SDHAF2: variants seen among roughly 807,000 people sequenced by gnomAD.
SDHAF2 encodes the protein succinate dehydrogenase complex assembly factor 2, also known as succinate dehydrogenase assembly factor 2, mitochondrial.
A neutral mutation model predicts 18.5 loss-of-function variants in SDHAF2; 21 were observed. The ratio of observed to expected loss-of-function variants is 1.13; its 90% CI spans 0.80 to 1.63. The LOEUF (loss-of-function observed/expected upper bound fraction) is 1.63, where lower values mean the gene tolerates loss of function less well. SDHAF2 is among the 40% of genes most tolerant of loss of function. The probability of loss-of-function intolerance (pLI) is 0.00; values close to 1 mark genes in which losing one functional copy is unlikely to be tolerated. For missense variants in SDHAF2, 195 were observed against 200.3 expected, an observed-to-expected ratio of 0.97 and a Z score of 0.16; for synonymous variants, 84 against 70.7, an observed-to-expected ratio of 1.19 and a Z score of -0.94.
chr11:61,433,396 A>G (rs1186270727), intron 1 of SDHAF2: 1 of 152,214 alleles, frequency 6.6e-6, no homozygotes, highest in Non-Finnish European at 1.5e-5. Flanking sequence ...GAACTATGTG[A>G]CAACCATTAT....
rs111402137 is a variant in SDHAF2, at chr11:61,437,727, A to G, written c.139A>G (p.Met47Val). Residue 47 changes from methionine to valine, a missense_variant, in exon 2 of 4, where the codon ATG (methionine) becomes GTG (valine). Physicochemically the swap from Met to Val is conservative, Grantham distance 21. Coordinates refer to ENST00000301761, the MANE Select transcript of SDHAF2 (RefSeq NM_017841.4). ...GDSPTDSQKD[M>V]IEIPLPPWQE... ...CAGCCCAACAGATTCCCAAAAGGAC[A>G]TGATTGAAATCCCTTTGCCTCCATG... is the stretch of plus-strand genomic sequence containing the variant. 56 of 1,614,218 alleles carry G rather than the reference A, an allele frequency of 3.5e-5. No individual in the cohort carries two copies. The Middle Eastern group carries it at 6.6e-4, about 19-fold the overall frequency.
chr11:61,439,055 A>T (rs542135865), intron 3 of SDHAF2, among the ~76,000 whole-genome samples: 1 of 152,124 alleles, frequency 6.6e-6, no homozygotes, highest in South Asian at 2.1e-4. Flanking sequence ...AAAAAAAAAA[A>T]GTTTCATTCA....
In SDHAF2 at chr11:61,446,263, T is replaced by G. The variant is rs1862137108; in HGVS notation, c.*192T>G. On this transcript the variant is annotated 3_prime_UTR_variant, in exon 4 of 4. Transcript: ENST00000301761. ...GCACAATGTGACTCATTCTCATACT[T>G]TTTTGTTCAGCTCTGAGCCTCAAAA... 3.0e-6 allele frequency: 2 copies of G among 675,934 alleles called. No individual in the cohort carries two copies. The highest frequency in any genetic ancestry group is 1.8e-5 in the African/African-American group (1 of 56,210). 41.9% of individuals were successfully genotyped at this position (675,934 alleles called of 1,614,324 possible).
At chr11:61,445,095 G>A (rs1377987745) in intron 3 of SDHAF2, among the ~76,000 whole-genome samples, 1 of 152,216 alleles carries the variant, frequency 6.6e-6, no homozygotes, top group African/African-American at 2.4e-5. Flanking sequence ...CCTGTGCTGA[G>A]TAAGGGAGAA....
At chr11:61,437,201 C>CT (rs1862003985) in intron 1 of SDHAF2, among the ~76,000 whole-genome samples, 1 of 152,036 alleles carries the variant, frequency 6.6e-6, no homozygotes, top group African/African-American at 2.4e-5. Flanking sequence ...AATTTCTTTT[C>CT]TTTTTTCAGG....
intron 1 of SDHAF2, 145 bp downstream of exon 1, chr11:61,430,327 A>G: frequency 1.0e-6 from 1 of 957,800 alleles, no homozygotes; most frequent in Admixed American, 2.1e-5. Flanking sequence ...CGATCCTGCA[A>G]CTCAGGAAAT....
chr11:61,440,324 C>T (rs544550734), intron 3 of SDHAF2, among the ~76,000 whole-genome samples: 16 of 151,020 alleles, frequency 1.1e-4, no homozygotes, highest in East Asian at 5.9e-4. Flanking sequence ...TAGGGCTGGG[C>T]GCGGTGAGTC....
rs752630870 is a variant in SDHAF2 at position 61,437,512 on chromosome 11, T to C, written c.37-113T>C. ...CCACCACGCCTGGCCAGCAGTGTAA[T>C]TTCCTCATGACTAAATGTGATTGAA... On this transcript the variant is annotated intron_variant, in intron 1 of 3. Transcript: ENST00000301761. 6 of 992,224 alleles carry C rather than the reference T, an allele frequency of 6.0e-6. 1 individual carries two copies. Among genetic ancestry groups the C allele is most frequent in the Non-Finnish European group, 9.8e-6 (6 of 614,478 alleles). The allele number at this position is 992,224 out of a possible 1,614,324, so 61.5% of individuals were successfully genotyped here.
intron 3 of SDHAF2, among the ~76,000 whole-genome samples, chr11:61,439,940 T>C (rs2134895061): frequency 6.6e-6 from 1 of 152,302 alleles, no homozygotes; most frequent in Middle Eastern, 3.4e-3. Flanking sequence ...TAGGTTTTAG[T>C]TTTTCTTGAG....
intron 1 of SDHAF2, 198 bp downstream of exon 1, chr11:61,430,380 C>T: frequency 1.5e-6 from 1 of 647,212 alleles, no homozygotes; most frequent in Non-Finnish European, 2.7e-6. Flanking sequence ...GTGTGCCGGT[C>T]TGGAAATATC....
At chr11:61,433,740 C>CTA (rs1057375425) in intron 1 of SDHAF2, 1 of 152,232 alleles carries the variant, frequency 6.6e-6, no homozygotes, top group African/African-American at 2.4e-5. Context: ...ACTAGGGCTG[C>CTA]TATAACCTGT....
At position 61,446,216 on chromosome 11, in the gene SDHAF2, C is replaced by A; in HGVS notation, c.*145C>A. ...TGCCTCAAGTGATGGACATAACCCTCTCCTAGGACATACATGTAAATGCAC... is the reference window on the plus strand; with the variant it reads ...TGCCTCAAGTGATGGACATAACCCTATCCTAGGACATACATGTAAATGCAC... On this transcript the variant is annotated 3_prime_UTR_variant, in exon 4 of 4. Transcript: ENST00000301761. 1.2e-6 allele frequency: 1 copy of A among 844,906 alleles called. No homozygotes were observed. The highest frequency in any genetic ancestry group is 1.3e-5 in the South Asian group (1 of 74,334). 52.3% of individuals were successfully genotyped at this position (844,906 alleles called of 1,614,324 possible).
chr11:61,437,233 G>C (rs1412825217), intron 1 of SDHAF2, among the ~76,000 whole-genome samples: 6 of 152,082 alleles, frequency 3.9e-5, no homozygotes, highest in Non-Finnish European at 8.8e-5. Context: ...CGTTGCCCAG[G>C]CTGGAATGCA....
At chr11:61,445,689 A>G (rs901846834) in intron 3 of SDHAF2, among the ~76,000 whole-genome samples, 1 of 152,238 alleles carries the variant, frequency 6.6e-6, no homozygotes. Flanking sequence ...TTCTGCTGTC[A>G]TAACACAAAA....
Position 61,446,429 on chromosome 11 carries a change from G to A in SDHAF2, c.*358G>A, listed in dbSNP as rs964963872. The A allele has an allele frequency of 1.0e-5, 6 of 573,024 alleles. No homozygotes were observed. The highest frequency in any genetic ancestry group is 9.3e-5 in the African/African-American group (5 of 53,532). The allele number at this position is 573,024 out of a possible 1,614,324, so 35.5% of individuals were successfully genotyped here. On this transcript the variant is annotated 3_prime_UTR_variant, in exon 4 of 4. Coordinates refer to ENST00000301761, the MANE Select transcript of SDHAF2 (RefSeq NM_017841.4). ...CAAGTGTACTCAAAGAAAAGAGGCA[G>A]CCAGCTGTGCGTGCTGTATGGAAAG...
chr11:61,445,568 A>C (rs1321925939), intron 3 of SDHAF2, among the ~76,000 whole-genome samples: 1 of 152,238 alleles, frequency 6.6e-6, no homozygotes, highest in African/African-American at 2.4e-5. Flanking sequence ...AATGCAAAGC[A>C]AAATAGTACA....
At position 61,446,449 on chromosome 11, in the gene SDHAF2, G is replaced by A. The variant is rs7935377; in HGVS notation, c.*378G>A. ...AGGCAGCCAGCTGTGCGTGCTGTATGGAAAGCCTCCCGCCCTCCCTGCAGC... is the reference window on the plus strand; with the variant it reads ...AGGCAGCCAGCTGTGCGTGCTGTATAGAAAGCCTCCCGCCCTCCCTGCAGC... On this transcript the variant is annotated 3_prime_UTR_variant, in exon 4 of 4. Coordinates refer to ENST00000301761, the MANE Select transcript of SDHAF2 (RefSeq NM_017841.4). 8.3e-3 allele frequency: 4,480 copies of A among 541,306 alleles called. 178 individuals carry two copies. The highest frequency in any genetic ancestry group is 0.077 in the African/African-American group (4,061 of 52,880). The allele number at this position is 541,306 out of a possible 1,614,324, so 33.5% of individuals were successfully genotyped here. A position where few individuals can be genotyped will look rare whatever the true frequency, so the allele number is the denominator to read the frequency against.
Position 61,446,587 on chromosome 11 carries a change from A to T in SDHAF2, c.*516A>T. On this transcript the variant is annotated 3_prime_UTR_variant, in exon 4 of 4. Coordinates refer to ENST00000301761, the MANE Select transcript of SDHAF2 (RefSeq NM_017841.4). ...CCCAGCCTCCTGAGCTGAATCCTTC[A>T]AAGGCACAGCAGGCAGAATGAGGGC... The T allele has an allele frequency of 2.3e-6, 1 of 438,998 alleles. No individual in the cohort carries two copies. 27.2% of individuals were successfully genotyped at this position (438,998 alleles called of 1,614,324 possible).
chr11:61,441,852 A>G (rs1862070008), intron 3 of SDHAF2, among the ~76,000 whole-genome samples: 1 of 149,750 alleles, frequency 6.7e-6, no homozygotes, highest in Non-Finnish European at 1.5e-5. Context: ...ATTTGGTGAC[A>G]TGTCTCTTCA....
Sources: gnomAD v4.1 joint callset for allele counts (sites outside exome capture counted in the v4.1 genomes callset) on GRCh38, gnomAD v4.1.1 for gene constraint, MANE v1.5 for transcripts, NCBI Gene and HGNC (gene_info 2026-07-23, HGNC 2026-07-21) for gene names.